Variants in CSMD3 observed in about 807,000 individuals in gnomAD.
CSMD3 encodes the protein CUB and Sushi multiple domains 3.
CSMD3 carries 177 observed loss-of-function variants against 435.2 expected under a neutral mutation model. The ratio of observed to expected loss-of-function variants is 0.41; its 90% CI spans 0.36 to 0.46. CSMD3 has a LOEUF of 0.46. CSMD3 is among the 20% of genes least tolerant of loss of function. The probability of loss-of-function intolerance (pLI) is 0.34; values close to 1 mark genes in which losing one functional copy is unlikely to be tolerated. For missense variants in CSMD3, 4,265 were observed against 4,504.6 expected (o/e 0.95, Z 1.52); for synonymous variants, 1,656 against 1,520.5 (o/e 1.09, Z -2.07).
intron 3 of CSMD3, among the ~76,000 whole-genome samples, chr8:113,187,137 G>A (rs1250795625): frequency 2.6e-5 from 4 of 151,412 alleles, no homozygotes; most frequent in African/African-American, 9.7e-5. Flanking sequence ...ACTTTGCTGG[G>A]AGTTTTTTTT....
At chr8:112,409,654 A>C (rs1010593789) in intron 32 of CSMD3, among the ~76,000 whole-genome samples, 1 of 152,058 alleles carries the variant, frequency 6.6e-6, no homozygotes, top group African/African-American at 2.4e-5. Flanking sequence ...AGATATCATA[A>C]AATTTTGCAA....
chr8:113,116,226 T>A (rs905952820), intron 4 of CSMD3, among the ~76,000 whole-genome samples: 1 of 152,304 alleles, frequency 6.6e-6, no homozygotes. Context: ...AATCACCACA[T>A]GTCATGAGAA....
At chr8:112,358,703 C>T (rs1053851461) in intron 38 of CSMD3, among the ~76,000 whole-genome samples, 1 of 152,156 alleles carries the variant, frequency 6.6e-6, no homozygotes, top group African/African-American at 2.4e-5. Flanking sequence ...TGAGGCTTCA[C>T]CAGCCCTGTG....
intron 13 of CSMD3, among the ~76,000 whole-genome samples, chr8:112,732,891 G>A (rs941150246): frequency 6.6e-6 from 1 of 152,020 alleles, no homozygotes; most frequent in African/African-American, 2.4e-5. Flanking sequence ...AACCTAATAT[G>A]TGGTTAATCA....
chr8:113,168,523 A>AAAAAAAAC (rs2092202887), intron 4 of CSMD3, among the ~76,000 whole-genome samples: 1 of 136,386 alleles, frequency 7.3e-6, no homozygotes, highest in Non-Finnish European at 1.5e-5. Flanking sequence ...CTGTCTCAAA[A>AAAAAAAAC]AAAAAAAAAA....
At chr8:112,650,012 G>A in intron 19 of CSMD3, 149 bp downstream of exon 19, 1 of 643,282 alleles carries the variant, frequency 1.6e-6, no homozygotes, top group East Asian at 2.8e-5. Context: ...TTTATTTCAT[G>A]AATGGTTTGA....
chr8:112,870,292 G>A (rs1420730542), intron 10 of CSMD3, among the ~76,000 whole-genome samples: 11 of 148,048 alleles, frequency 7.4e-5, no homozygotes, highest in East Asian at 4.0e-4. Context: ...TTTTTGAGAC[G>A]GGGTCTCTCT....
intron 1 of CSMD3, among the ~76,000 whole-genome samples, chr8:113,336,266 T>C (rs1418469865): frequency 6.6e-6 from 1 of 152,038 alleles, no homozygotes; most frequent in Non-Finnish European, 1.5e-5. Context: ...TGGTTCCTCC[T>C]TACATGTTCT....
chr8:113,303,462 T>C (rs1420225232), intron 2 of CSMD3, among the ~76,000 whole-genome samples: 5 of 152,074 alleles, frequency 3.3e-5, no homozygotes, highest in Middle Eastern at 3.4e-3. Context: ...AAGTCAATCA[T>C]AAGCCAAAAG....
chr8:112,546,806 C>G (rs749467753), intron 27 of CSMD3, among the ~76,000 whole-genome samples: 5 of 152,072 alleles, frequency 3.3e-5, no homozygotes, highest in Non-Finnish European at 7.4e-5. Context: ...GACAATAACA[C>G]CAAGAGATAA....
intron 1 of CSMD3, among the ~76,000 whole-genome samples, chr8:113,360,521 CTT>C (rs1164869672): frequency 6.7e-6 from 1 of 150,122 alleles, no homozygotes; most frequent in African/African-American, 2.4e-5. Context: ...ACACTATAAA[CTT>C]AAGTATTTAT....
chr8:112,976,085 G>A lies in CSMD3; in HGVS notation c.1094C>T (p.Thr365Ile), dbSNP rs1389572763. 2 of 1,613,950 alleles carry A rather than the reference G, an allele frequency of 1.2e-6. No homozygotes were observed. Among genetic ancestry groups the A allele is most frequent in the Admixed American group, 1.7e-5 (1 of 59,978 alleles). Residue 365 changes from threonine (T) to isoleucine (I), a missense_variant, in exon 7 of 71, where the codon ACT becomes ATT. Physicochemically the swap from Thr to Ile is moderately conservative, Grantham distance 89. This residue lies in a region of CSMD3 where 731 missense variants were observed against 755.4 expected (regional missense o/e 0.97). Coordinates refer to ENST00000297405, the MANE Select transcript of CSMD3 (RefSeq NM_198123.2). ...TGTGCTAGCAACAGCAATAGCACCA[G>A]TGGTAGTCCTGTTATGCTCCTCTAA... is the stretch of plus-strand genomic sequence containing the variant. The part of the protein sequence containing the change: ...GELEEHNRTT[T>I]GAIAVASTPA...
intron 1 of CSMD3, among the ~76,000 whole-genome samples, chr8:113,329,144 G>C (rs1341787485): frequency 6.0e-5 from 9 of 151,244 alleles, no homozygotes; most frequent in Admixed American, 5.9e-4. Flanking sequence ...TCGAAGTTCA[G>C]AAATTGGACA....
chr8:113,214,764 A>G (rs1389104164), intron 3 of CSMD3, among the ~76,000 whole-genome samples: 1 of 151,838 alleles, frequency 6.6e-6, no homozygotes, highest in Non-Finnish European at 1.5e-5. Flanking sequence ...GGTTGTTTTT[A>G]TATATTAATG....
chr8:113,269,907 G>T (rs1221888940), intron 3 of CSMD3, among the ~76,000 whole-genome samples: 1 of 151,574 alleles, frequency 6.6e-6, no homozygotes, highest in Non-Finnish European at 1.5e-5. Flanking sequence ...GCATGGGCAA[G>T]GACTTCATGT....
At chr8:112,876,018 C>G (rs2081271948) in intron 10 of CSMD3, among the ~76,000 whole-genome samples, 1 of 152,050 alleles carries the variant, frequency 6.6e-6, no homozygotes, top group East Asian at 1.9e-4. Flanking sequence ...AATTTTCAAC[C>G]TTTTTGCATT....
chr8:113,236,453 C>T (rs1024385380), intron 3 of CSMD3, among the ~76,000 whole-genome samples: 3 of 152,242 alleles, frequency 2.0e-5, no homozygotes, highest in South Asian at 2.1e-4. Context: ...CAATAAGCTG[C>T]GGGGCTGAAT....
intron 28 of CSMD3, among the ~76,000 whole-genome samples, chr8:112,509,279 G>C (rs1822850649): frequency 6.6e-6 from 1 of 152,028 alleles, no homozygotes; most frequent in African/African-American, 2.4e-5. Flanking sequence ...TGGAGAGACA[G>C]AGTTTTGCCA....
intron 30 of CSMD3, among the ~76,000 whole-genome samples, chr8:112,500,582 G>C (rs1299060109): frequency 6.6e-6 from 1 of 152,170 alleles, no homozygotes; most frequent in African/African-American, 2.4e-5. Flanking sequence ...AGCCCAATCA[G>C]ATGGTACTAA....
Sources: allele counts gnomAD v4.1 joint callset (sites outside exome capture counted in the v4.1 genomes callset), GRCh38; gene constraint gnomAD v4.1.1; regional missense constraint gnomAD v4.1.1; transcripts MANE v1.5; gene names NCBI Gene and HGNC (gene_info 2026-07-23, HGNC 2026-07-21).